Variants in ZDHHC17 observed in about 807,000 individuals in gnomAD.
The protein encoded by ZDHHC17 is palmitoyltransferase ZDHHC17.
Under a neutral mutation model 90.3 loss-of-function variants are expected in ZDHHC17, and 40 were observed. The observed-to-expected ratio is 0.44, with a 90% CI of 0.34 to 0.58. ZDHHC17 has a LOEUF of 0.58. Among genes scored for constraint, ZDHHC17 ranks in the 20% least tolerant of loss-of-function variants. The probability of loss-of-function intolerance (pLI) is 0.01; values close to 1 mark genes in which losing one functional copy is unlikely to be tolerated. For missense variants in ZDHHC17, 614 were observed against 780.8 expected (o/e 0.79, Z 2.55); for synonymous variants, 235 against 252.4 (o/e 0.93, Z 0.65).
intron 7 of ZDHHC17, among the ~76,000 whole-genome samples, chr12:76,820,354 C>T (rs1457415663): frequency 1.3e-5 from 2 of 152,164 alleles, no homozygotes; most frequent in East Asian, 3.9e-4. Context: ...AAAAACAAAA[C>T]ACAATTATGG....
chr12:76,766,078 A>G (rs1952427523), intron 1 of ZDHHC17, among the ~76,000 whole-genome samples: 1 of 152,226 alleles, frequency 6.6e-6, no homozygotes, highest in Non-Finnish European at 1.5e-5. Flanking sequence ...CTACTTTAAG[A>G]ATAATTTTAA....
At chr12:76,831,701 C>T (rs1020688250) in intron 10 of ZDHHC17, among the ~76,000 whole-genome samples, 2 of 152,062 alleles carry the variant, frequency 1.3e-5, no homozygotes, top group Non-Finnish European at 2.9e-5. Flanking sequence ...GACTGGAGTG[C>T]AGTGGCACAA....
intron 10 of ZDHHC17, among the ~76,000 whole-genome samples, chr12:76,837,517 G>T (rs750520914): frequency 2.0e-5 from 3 of 152,014 alleles, no homozygotes; most frequent in Non-Finnish European, 4.4e-5. Flanking sequence ...CTTTACTTAA[G>T]AACACATTTG....
At chr12:76,823,093 T>C (rs1467674016) in intron 8 of ZDHHC17, among the ~76,000 whole-genome samples, 1 of 152,172 alleles carries the variant, frequency 6.6e-6, no homozygotes, top group African/African-American at 2.4e-5. Flanking sequence ...ATTATTTAAA[T>C]CTCCATCGGC....
intron 1 of ZDHHC17, among the ~76,000 whole-genome samples, chr12:76,783,958 C>T (rs1198032111): frequency 6.6e-6 from 1 of 152,224 alleles, no homozygotes; most frequent in Non-Finnish European, 1.5e-5. Flanking sequence ...TCCCCTAGAG[C>T]CTCTGGAGGG....
At chr12:76,821,472 C>A (rs907529304) in intron 7 of ZDHHC17, among the ~76,000 whole-genome samples, 1 of 151,986 alleles carries the variant, frequency 6.6e-6, no homozygotes, top group Non-Finnish European at 1.5e-5. Flanking sequence ...CACCCCAAGG[C>A]TCTTTATTGC....
At chr12:76,771,442 A>C (rs1226490399) in intron 1 of ZDHHC17, among the ~76,000 whole-genome samples, 2 of 152,230 alleles carry the variant, frequency 1.3e-5, no homozygotes, top group Non-Finnish European at 2.9e-5. Flanking sequence ...AAATTAGAAC[A>C]TTATAGTGTC....
At chr12:76,778,087 A>G (rs1952579502) in intron 1 of ZDHHC17, among the ~76,000 whole-genome samples, 1 of 152,220 alleles carries the variant, frequency 6.6e-6, no homozygotes. Context: ...GATCTTATTT[A>G]CATGACTCTG....
chr12:76,805,230 G>A, intron 2 of ZDHHC17, 87 bp from the exon 3 acceptor site: 1 of 1,211,916 alleles, frequency 8.3e-7, no homozygotes, highest in Non-Finnish European at 1.2e-6. Flanking sequence ...GTATCAAAAT[G>A]AGGAATTATT....
At chr12:76,804,846 C>T (rs911743182) in intron 2 of ZDHHC17, among the ~76,000 whole-genome samples, 6 of 152,174 alleles carry the variant, frequency 3.9e-5, no homozygotes, top group African/African-American at 1.4e-4. Context: ...TTCGCCTTTC[C>T]TCGTGCCTCT....
rs1401134141 is a variant in ZDHHC17, at chr12:76,851,983, T to C, written c.*998T>C. On this transcript the variant is annotated 3_prime_UTR_variant, in exon 17 of 17. Coordinates refer to ENST00000426126, the MANE Select transcript of ZDHHC17 (RefSeq NM_015336.4). Reference sequence around the variant, plus strand: ...GAGCATGATCTAAGTACATAGCACATGTGAATAAAAGAAAAGCTGACAGTA... The same window carrying C: ...GAGCATGATCTAAGTACATAGCACACGTGAATAAAAGAAAAGCTGACAGTA... The C allele has an allele frequency of 6.6e-6, 1 of 152,556 alleles. No individual in the cohort carries two copies. Among genetic ancestry groups the C allele is most frequent in the Non-Finnish European group, 1.5e-5 (1 of 68,028 alleles). The allele number at this position is 152,556 out of a possible 1,614,324, so 9.5% of individuals were successfully genotyped here.
intron 11 of ZDHHC17, among the ~76,000 whole-genome samples, chr12:76,842,329 C>A (rs1264629658): frequency 1.3e-5 from 2 of 152,186 alleles, no homozygotes; most frequent in Non-Finnish European, 2.9e-5. Flanking sequence ...CTCTCCCTTA[C>A]AAGACTGCTG....
chr12:76,815,085 G>A, intron 5 of ZDHHC17, 61 bp from the exon 6 acceptor site: 1 of 1,260,754 alleles, frequency 7.9e-7, no homozygotes, highest in Non-Finnish European at 1.1e-6. Flanking sequence ...ATTTTTCCAA[G>A]CAAATTTGGT....
At chr12:76,821,985 C>T (rs1953167947) in intron 7 of ZDHHC17, among the ~76,000 whole-genome samples, 1 of 152,102 alleles carries the variant, frequency 6.6e-6, no homozygotes, top group Non-Finnish European at 1.5e-5. Flanking sequence ...CTTCTGAAGA[C>T]TCCTATCATT....
At chr12:76,835,707 CTT>C (rs199929650) in intron 10 of ZDHHC17, among the ~76,000 whole-genome samples, 1,677 of 151,866 alleles carry the variant, frequency 0.011, 13 homozygotes, top group Non-Finnish European at 0.017. Flanking sequence ...TCTTTCTACT[CTT>C]TATAGCATTT....
intron 1 of ZDHHC17, chr12:76,764,949 T>C (rs996109389): frequency 4.6e-6 from 2 of 433,700 alleles, no homozygotes; most frequent in Admixed American, 4.9e-5. Flanking sequence ...AAGTACCGTT[T>C]TTCTAGGAGC....
chr12:76,829,455 C>CAAAAAAAAAAAAAAAAAAAAAAAAA (rs58051393), intron 10 of ZDHHC17, among the ~76,000 whole-genome samples: 1 of 71,902 alleles, frequency 1.4e-5, no homozygotes, highest in Non-Finnish European at 2.4e-5. Flanking sequence ...GACTATGTCT[C>CAAAAAAAAAAAAAAAAAAAAAAAAA]AAAAAAAAAA....
intron 7 of ZDHHC17, among the ~76,000 whole-genome samples, 166 bp downstream of exon 7, chr12:76,816,185 G>T (rs1592484414): frequency 6.6e-6 from 1 of 151,732 alleles, no homozygotes; most frequent in African/African-American, 2.4e-5. Context: ...TCTTTGACTT[G>T]GTTATTTTAT....
chr12:76,806,355 C>T (rs560114984), intron 3 of ZDHHC17, among the ~76,000 whole-genome samples: 83 of 152,000 alleles, frequency 5.5e-4, no homozygotes, highest in African/African-American at 1.9e-3. Flanking sequence ...CTTGGCTCAC[C>T]GCAACCTCTG....
Sources: gnomAD v4.1 joint callset for allele counts (sites outside exome capture counted in the v4.1 genomes callset) on GRCh38, gnomAD v4.1.1 for gene constraint, MANE v1.5 for transcripts, NCBI Gene and HGNC (gene_info 2026-07-23, HGNC 2026-07-21) for gene names.